SPATA9: variants seen among roughly 807,000 people sequenced by gnomAD.
SPATA9 encodes spermatogenesis-associated protein 9.
A neutral mutation model predicts 25.5 loss-of-function variants in SPATA9; 27 were observed. The observed-to-expected ratio is 1.06, with a 90% CI of 0.78 to 1.46. The LOEUF (loss-of-function observed/expected upper bound fraction) is 1.46, where lower values mean the gene tolerates loss of function less well. Ranked by LOEUF, SPATA9 falls within the 40% of genes most tolerant of loss-of-function variation. The pLI, the probability that SPATA9 is intolerant of heterozygous loss-of-function variation, is 0.00. For missense variants in SPATA9, 282 were observed against 297.5 expected (o/e 0.95, Z 0.38); for synonymous variants, 102 against 105.7 (o/e 0.97, Z 0.21).
chr5:95,699,320 A>G (rs1194481835), upstream of SPATA9, among the ~76,000 whole-genome samples: 5 of 152,210 alleles, frequency 3.3e-5, no homozygotes, highest in Admixed American at 3.3e-4. Flanking sequence ...CAGGGCTATC[A>G]TAAAGAGTAA....
At chr5:95,731,731 C>A in the SPATA9 span, 5 of 1,612,410 alleles carry the variant, frequency 3.1e-6, no homozygotes, top group Non-Finnish European at 4.2e-6. Context: ...CAGCGCGTGC[C>A]GTGCGCCCCA....
In SPATA9 at chr5:95,692,271, A is replaced by AT. The variant is rs1025944301; in HGVS notation, n.124+6316dup. 7.9e-5 allele frequency among the ~76,000 whole-genome samples: 12 copies of AT among 152,202 alleles called. No homozygotes were observed. The South Asian group carries it at 1.5e-3, about 18-fold the overall frequency. On this transcript the variant is annotated intron_variant and non_coding_transcript_variant, in intron 1 of 2. Transcript: ENST00000379990. ...CTTAAAAACGAGGCATAATTTACAT[A>AT]TTTTTTTAAAAAGCTAGTTAGAACT...
At chr5:95,718,915 T>C in the SPATA9 span, among the ~76,000 whole-genome samples, 1 of 152,086 alleles carries the variant, frequency 6.6e-6, no homozygotes, top group Non-Finnish European at 1.5e-5. Context: ...GGAAACAGGG[T>C]AGAAGGCTGC....
chr5:95,656,897 C>A (rs1750795399), downstream of SPATA9: 1 of 152,118 alleles, frequency 6.6e-6, no homozygotes, highest in African/African-American at 2.4e-5. Flanking sequence ...AACTGTGCAA[C>A]CTTCCTAAAT....
intron 2 of SPATA9, among the ~76,000 whole-genome samples, chr5:95,676,284 G>A (rs1182645794): frequency 1.4e-4 from 22 of 151,842 alleles, no homozygotes; most frequent in Admixed American, 1.4e-3. Flanking sequence ...AGGTTTTTGG[G>A]GAACAGCTGG....
chr5:95,683,229 A>G (rs1238331687), upstream of SPATA9, among the ~76,000 whole-genome samples: 1 of 152,210 alleles, frequency 6.6e-6, no homozygotes, highest in East Asian at 1.9e-4. Context: ...TTTGAAAAAA[A>G]ATGGCATGTG....
At chr5:95,709,975 C>T in the SPATA9 span, among the ~76,000 whole-genome samples, 2 of 152,126 alleles carry the variant, frequency 1.3e-5, no homozygotes, top group Admixed American at 1.3e-4. Flanking sequence ...TAGATGGCTC[C>T]ATGTACATGC....
chr5:95,696,615 G>A (rs761384765), intron 1 of SPATA9, among the ~76,000 whole-genome samples: 4 of 152,210 alleles, frequency 2.6e-5, no homozygotes, highest in Non-Finnish European at 5.9e-5. Context: ...GGTGGCTCAT[G>A]CCTCTAATCC....
the SPATA9 span, among the ~76,000 whole-genome samples, chr5:95,709,454 T>G: frequency 6.6e-6 from 1 of 152,160 alleles, no homozygotes; most frequent in Non-Finnish European, 1.5e-5. Flanking sequence ...ATTAATTTTG[T>G]AAAAGTGTTT....
the SPATA9 span, among the ~76,000 whole-genome samples, chr5:95,724,952 C>G: frequency 6.6e-6 from 1 of 151,894 alleles, no homozygotes; most frequent in South Asian, 2.1e-4. Context: ...ACTTGGGAGG[C>G]TGAGGTGAGA....
the SPATA9 span, among the ~76,000 whole-genome samples, chr5:95,708,481 T>C: frequency 1.3e-5 from 2 of 152,214 alleles, no homozygotes; most frequent in African/African-American, 2.4e-5. Context: ...GCACGAGTTA[T>C]AGAATGAAGA....
upstream of SPATA9, among the ~76,000 whole-genome samples, chr5:95,698,919 G>C (rs1391192071): frequency 6.6e-6 from 1 of 152,096 alleles, no homozygotes; most frequent in Non-Finnish European, 1.5e-5. Context: ...TTTACTACCT[G>C]AATGCAACAA....
chr5:95,703,274 C>T (rs145798561), upstream of SPATA9, among the ~76,000 whole-genome samples: 2 of 152,284 alleles, frequency 1.3e-5, no homozygotes, highest in African/African-American at 4.8e-5. Context: ...GTCTACCATG[C>T]TGTGCTATGT....
At chr5:95,698,510 C>G (rs1754095674) in intron 1 of SPATA9, 1 of 152,160 alleles carries the variant, frequency 6.6e-6, no homozygotes, top group South Asian at 2.1e-4. Flanking sequence ...GACAAATAAC[C>G]TCGGGTTATT....
At chr5:95,683,081 G>T, upstream of SPATA9, 1 of 1,080,742 alleles carries the variant, frequency 9.3e-7, no homozygotes, top group Non-Finnish European at 1.2e-6. Flanking sequence ...GAAGAGGAGT[G>T]TGTTTGGAGG....
Position 95,658,341 on chromosome 5 carries a change from A to T in SPATA9, c.*282T>A. The T allele has an allele frequency of 8.8e-6, 2 of 226,624 alleles. No homozygotes were observed. Among genetic ancestry groups the T allele is most frequent in the Non-Finnish European group, 1.7e-5 (2 of 116,544 alleles). 14.0% of individuals were successfully genotyped at this position (226,624 alleles called of 1,614,324 possible). On this transcript the variant is annotated 3_prime_UTR_variant, in exon 5 of 5. Transcript: ENST00000274432. ...TTAATAAAAACATTAATGTATTATA[A>T]ATATGCTTATATTATAAACCACAGT...
the SPATA9 span, among the ~76,000 whole-genome samples, chr5:95,710,353 T>C: frequency 2.6e-5 from 4 of 152,238 alleles, no homozygotes; most frequent in African/African-American, 9.6e-5. Flanking sequence ...AAACTGATAC[T>C]GCAGGATGCG....
upstream of SPATA9, among the ~76,000 whole-genome samples, chr5:95,687,885 C>G (rs568945776): frequency 1.3e-5 from 2 of 152,238 alleles, no homozygotes; most frequent in East Asian, 3.9e-4. Context: ...CTAGACAGTG[C>G]TTTTACATGA....
At chr5:95,674,576 A>G (rs111693695) in intron 3 of SPATA9, 461 of 268,400 alleles carry the variant, frequency 1.7e-3, no homozygotes, top group Non-Finnish European at 2.7e-3. Context: ...GCTGCAAATT[A>G]TCTTGCAACT....
Sources: allele counts gnomAD v4.1 joint callset (sites outside exome capture counted in the v4.1 genomes callset), GRCh38; gene constraint gnomAD v4.1.1; transcripts MANE v1.5; gene names NCBI Gene and HGNC (gene_info 2026-07-23, HGNC 2026-07-21).